The following STRN3 variants were observed in gnomAD, a reference collection of about 807,000 sequenced individuals.
STRN3 encodes the protein striatin 3.
In STRN3, 29 loss-of-function variants were observed where a neutral mutation model predicts 95.6. That is an observed-to-expected ratio of 0.30 (90% CI 0.23 to 0.41). The LOEUF (loss-of-function observed/expected upper bound fraction) is 0.41. Ranked by LOEUF, STRN3 falls within the 10% of genes least tolerant of loss-of-function variation. The pLI, the probability that STRN3 is intolerant of heterozygous loss-of-function variation, is 1.00. For synonymous variants in STRN3, 331 were observed against 357.6 expected, an observed-to-expected ratio of 0.93 and a Z score of 0.84; for missense variants, 890 against 972.1, an observed-to-expected ratio of 0.92 and a Z score of 1.12.
chr14:31,017,498 CAA>C (rs370718215), intron 1 of STRN3, among the ~76,000 whole-genome samples: 15 of 97,654 alleles, frequency 1.5e-4, no homozygotes, highest in Admixed American at 3.1e-4. Context: ...GACTCCGTCT[CAA>C]AAAAAAAAAA....
intron 16 of STRN3, among the ~76,000 whole-genome samples, chr14:30,897,457 C>T (rs1442556744): frequency 1.3e-5 from 2 of 152,026 alleles, no homozygotes; most frequent in Admixed American, 6.6e-5. Flanking sequence ...TGGTGGTTAG[C>T]ACCTGTAATC....
chr14:30,929,959 A>C (rs1484931473), intron 7 of STRN3, among the ~76,000 whole-genome samples: 2 of 127,204 alleles, frequency 1.6e-5, no homozygotes, highest in Non-Finnish European at 3.3e-5. Flanking sequence ...ATTAGCAAAA[A>C]AAAAAAAAAA....
At chr14:30,908,608 C>T (rs1188634593) in intron 13 of STRN3, among the ~76,000 whole-genome samples, 2 of 152,150 alleles carry the variant, frequency 1.3e-5, no homozygotes, top group Non-Finnish European at 2.9e-5. Flanking sequence ...CAGCAACATT[C>T]GAAAGTGCAG....
intron 1 of STRN3, among the ~76,000 whole-genome samples, chr14:30,964,786 G>A (rs1167539606): frequency 1.3e-5 from 2 of 152,130 alleles, no homozygotes; most frequent in Non-Finnish European, 2.9e-5. Context: ...CAGCTGTGGT[G>A]GCGCGCACCT....
At position 30,990,268 on chromosome 14, in the gene STRN3, T is replaced by C. The variant is rs779768084; in HGVS notation, c.283-34026A>G. Among the ~76,000 whole-genome samples the C allele has an allele frequency of 2.2e-4, 34 of 151,550 alleles. 1 individual carries two copies. Among genetic ancestry groups the C allele is most frequent in the Non-Finnish European group, 4.4e-4 (30 of 67,982 alleles). ...AGCTCTGCCTCTCGGGTTCATGCCA[T>C]TCTCCTGCCTCAGCCTCCCAAGTAG... On this transcript the variant is annotated intron_variant, in intron 1 of 17. Coordinates refer to ENST00000357479, the MANE Select transcript of STRN3 (RefSeq NM_001083893.2).
chr14:31,009,395 AG>A (rs1882863013), intron 1 of STRN3, among the ~76,000 whole-genome samples: 1 of 152,142 alleles, frequency 6.6e-6, no homozygotes, highest in Non-Finnish European at 1.5e-5. Context: ...ACTAAATGCC[AG>A]GACCACCTGC....
rs1555317709 is a variant in STRN3, at chr14:30,933,280, T to TTAAAAAAAAAAAAAA, written c.988+1882_988+1883insTTTTTTTTTTTTTTA. 3.1e-4 allele frequency among the ~76,000 whole-genome samples: 7 copies of TTAAAAAAAAAAAAAA among 22,778 alleles called. 2 individuals are homozygous for TTAAAAAAAAAAAAAA. Among genetic ancestry groups the TTAAAAAAAAAAAAAA allele is most frequent in the African/African-American group, 9.0e-4 (6 of 6,642 alleles). 14.9% of individuals were successfully genotyped at this position (22,778 alleles called of 152,430 possible). A position where few individuals can be genotyped will look rare whatever the true frequency, so the allele number is the denominator to read the frequency against. On this transcript the variant is annotated intron_variant, in intron 7 of 17. Coordinates refer to ENST00000357479, the MANE Select transcript of STRN3 (RefSeq NM_001083893.2). The stretch of plus-strand genomic sequence containing the variant: ...GGCAATAAAGCGAGACCCTGTTTCA[T>TTAAAAAAAAAAAAAA]AAAAAAAAAAAAAAAAAAAAAAAAA...
chr14:30,899,369 A>G (rs1314198210), intron 16 of STRN3, among the ~76,000 whole-genome samples: 1 of 152,230 alleles, frequency 6.6e-6, no homozygotes, highest in East Asian at 1.9e-4. Context: ...TAGAAATTGA[A>G]AACTTTAAAT....
At chr14:30,996,747 T>C (rs1355505482) in intron 1 of STRN3, among the ~76,000 whole-genome samples, 2 of 152,066 alleles carry the variant, frequency 1.3e-5, no homozygotes, top group Non-Finnish European at 2.9e-5. Context: ...GCACCTGTAG[T>C]CCCAGCTACT....
intron 1 of STRN3, among the ~76,000 whole-genome samples, chr14:31,019,478 A>C (rs2139349826): frequency 6.6e-6 from 1 of 152,318 alleles, no homozygotes; most frequent in Admixed American, 6.5e-5. Flanking sequence ...ACTTTTCATA[A>C]AAAAATTAAA....
chr14:31,020,374 T>A (rs1183282757), intron 1 of STRN3, among the ~76,000 whole-genome samples: 1 of 151,846 alleles, frequency 6.6e-6, no homozygotes, highest in Non-Finnish European at 1.5e-5. Context: ...TGGTGGGTGC[T>A]TGTAATTCCA....
intron 1 of STRN3, among the ~76,000 whole-genome samples, chr14:31,004,766 T>C (rs1882638782): frequency 6.6e-6 from 1 of 151,402 alleles, no homozygotes; most frequent in African/African-American, 2.4e-5. Flanking sequence ...AGAGTGAAAC[T>C]CCGTATTGAA....
At chr14:30,953,837 C>A (rs1879771371) in intron 3 of STRN3, among the ~76,000 whole-genome samples, 1 of 152,132 alleles carries the variant, frequency 6.6e-6, no homozygotes, top group African/African-American at 2.4e-5. Flanking sequence ...GCCATGTTGT[C>A]CAGGCTGGTC....
rs954423893 is a variant in STRN3, at chr14:30,976,207, T to C, written c.283-19965A>G. Reference sequence around the variant, plus strand: ...TATACACACAGAAAATAACAAAAAGTAAATGAATGGGGAGAGTTATACCAT... The same window carrying C: ...TATACACACAGAAAATAACAAAAAGCAAATGAATGGGGAGAGTTATACCAT... On this transcript the variant is annotated intron_variant, in intron 1 of 17. Coordinates refer to ENST00000357479, the MANE Select transcript of STRN3 (RefSeq NM_001083893.2). Among the ~76,000 whole-genome samples the C allele has an allele frequency of 1.0e-3, 156 of 152,224 alleles. 6 individuals carry two copies. Among genetic ancestry groups the C allele is most frequent in the Admixed American group, 0.01 (156 of 15,290 alleles).
At chr14:31,001,977 CAACATGG>C (rs1000141564) in intron 1 of STRN3, among the ~76,000 whole-genome samples, 3 of 149,556 alleles carry the variant, frequency 2.0e-5, no homozygotes, top group Non-Finnish European at 3.0e-5. Context: ...CCAGCCTGAC[CAACATGG>C]AGAAACCCCA....
At chr14:30,979,753 C>T (rs1168811569) in intron 1 of STRN3, among the ~76,000 whole-genome samples, 8 of 151,934 alleles carry the variant, frequency 5.3e-5, no homozygotes, top group African/African-American at 1.7e-4. Context: ...GTGCACACCA[C>T]CACACCCGGC....
chr14:30,911,967 A>C, intron 11 of STRN3, 40 bp downstream of exon 11: 1 of 1,586,958 alleles, frequency 6.3e-7, no homozygotes, highest in Non-Finnish European at 8.5e-7. Flanking sequence ...ATATTAGCAA[A>C]ATTGGAAGAA....
rs1883928317 is a variant in STRN3, at chr14:31,026,308, C to T, written c.-123G>A. ...GCCGGGAGAGGGGCGGGGAAGGGGT[C>T]GTTGCTGTGTGCCTGCCGTGGGTCA... On this transcript the variant is annotated 5_prime_UTR_variant, in exon 1 of 18. Transcript: ENST00000357479. 1 of 1,085,834 alleles carries T rather than the reference C, an allele frequency of 9.2e-7. No homozygotes were observed. The highest frequency in any genetic ancestry group is 1.7e-5 in the African/African-American group (1 of 59,768). 67.3% of individuals were successfully genotyped at this position (1,085,834 alleles called of 1,614,324 possible).
intron 8 of STRN3, among the ~76,000 whole-genome samples, chr14:30,926,585 A>C (rs1334997309): frequency 6.7e-6 from 1 of 148,538 alleles, no homozygotes; most frequent in African/African-American, 2.6e-5. Flanking sequence ...AGTACTTCTT[A>C]TAATACTTCT....
Sources: gnomAD v4.1 joint callset for allele counts (sites outside exome capture counted in the v4.1 genomes callset) on GRCh38, gnomAD v4.1.1 for gene constraint, MANE v1.5 for transcripts, NCBI Gene and HGNC (gene_info 2026-07-23, HGNC 2026-07-21) for gene names.